Variants in ZFAND3 observed in about 807,000 individuals in gnomAD.
ZFAND3 encodes zinc finger AN1-type containing 3, also known as AN1-type zinc finger protein 3.
In ZFAND3, 10 loss-of-function variants were observed where a neutral mutation model predicts 29.6. The observed-to-expected ratio is 0.34, with a 90% CI of 0.21 to 0.57. The LOEUF (loss-of-function observed/expected upper bound fraction) is 0.57. Ranked by LOEUF, ZFAND3 falls within the 20% of genes least tolerant of loss-of-function variation. The pLI is 0.86. For missense variants in ZFAND3, 230 were observed against 304.5 expected (o/e 0.76, Z 1.82); for synonymous variants, 128 against 112.6 (o/e 1.14, Z -0.87).
chr6:38,065,691 G>A (rs1039597675), intron 3 of ZFAND3, among the ~76,000 whole-genome samples: 2 of 152,144 alleles, frequency 1.3e-5, no homozygotes, highest in Non-Finnish European at 2.9e-5. Flanking sequence ...TGAAGCCCAT[G>A]CTCTTAACAC....
chr6:37,919,642 T>C (rs1761335306), intron 1 of ZFAND3, among the ~76,000 whole-genome samples: 1 of 152,236 alleles, frequency 6.6e-6, no homozygotes, highest in Non-Finnish European at 1.5e-5. Flanking sequence ...GTTGTCATCA[T>C]CTTGACGTCA....
At chr6:37,860,028 C>T (rs1201858994) in intron 1 of ZFAND3, among the ~76,000 whole-genome samples, 10 of 147,282 alleles carry the variant, frequency 6.8e-5, no homozygotes, top group South Asian at 4.2e-4. Flanking sequence ...CCTGCCACTA[C>T]GCCCAGCTAA....
chr6:37,942,444 A>G (rs996120825), intron 2 of ZFAND3, among the ~76,000 whole-genome samples: 6 of 152,180 alleles, frequency 3.9e-5, no homozygotes, highest in African/African-American at 9.6e-5. Flanking sequence ...TATTGAACCA[A>G]TGGCTGCTGC....
chr6:38,140,113 G>A (rs774915173), intron 5 of ZFAND3, among the ~76,000 whole-genome samples: 38 of 152,192 alleles, frequency 2.5e-4, no homozygotes, highest in Non-Finnish European at 4.6e-4. Flanking sequence ...GATTTGTGAG[G>A]AAGTAGCAAG....
At chr6:38,037,332 C>T (rs1763678429) in intron 2 of ZFAND3, among the ~76,000 whole-genome samples, 1 of 152,198 alleles carries the variant, frequency 6.6e-6, no homozygotes, top group Admixed American at 6.5e-5. Flanking sequence ...TACAAGCTGG[C>T]AATCAGCAGT....
At chr6:37,852,469 C>G (rs1764298218) in intron 1 of ZFAND3, among the ~76,000 whole-genome samples, 1 of 150,422 alleles carries the variant, frequency 6.6e-6, no homozygotes, top group South Asian at 2.1e-4. Flanking sequence ...ATAAGTCTAC[C>G]TAATCAAAAC....
intron 5 of ZFAND3, among the ~76,000 whole-genome samples, chr6:38,137,312 C>T (rs1360676123): frequency 6.6e-6 from 1 of 152,226 alleles, no homozygotes; most frequent in Non-Finnish European, 1.5e-5. Context: ...GCCCAGTGCA[C>T]TTGTGTTCAC....
intron 2 of ZFAND3, among the ~76,000 whole-genome samples, chr6:37,951,664 A>G (rs1329784959): frequency 6.6e-6 from 1 of 152,172 alleles, no homozygotes; most frequent in Non-Finnish European, 1.5e-5. Context: ...TTCTCTCTTC[A>G]TATTTGGATG....
chr6:38,080,055 C>CAA (rs59385588), intron 3 of ZFAND3, among the ~76,000 whole-genome samples: 16 of 130,100 alleles, frequency 1.2e-4, no homozygotes, highest in East Asian at 6.3e-4. Context: ...AAAGTTCCTC[C>CAA]AAAAAAAAAA....
chr6:37,826,325 A>G (rs1311121997), intron 1 of ZFAND3, among the ~76,000 whole-genome samples: 1 of 152,142 alleles, frequency 6.6e-6, no homozygotes, highest in East Asian at 1.9e-4. Flanking sequence ...CAATTTTTCT[A>G]GGGTTTCTGA....
At chr6:38,140,957 A>G (rs1885327) in intron 5 of ZFAND3, among the ~76,000 whole-genome samples, 3,014 of 152,058 alleles carry the variant, frequency 0.02, 92 homozygotes, top group African/African-American at 0.07. Context: ...TGGAGAATCA[A>G]GAAGCCAGCT....
chr6:37,911,700 C>G lies in ZFAND3; in HGVS notation c.72-18259C>G, dbSNP rs554247983. ...GGGTTGTAACTGATTATATTATCTA[C>G]AGTAACAGAACAGGCATAATTATAA... On this transcript the variant is annotated intron_variant, in intron 1 of 5. Transcript: ENST00000287218. Among the ~76,000 whole-genome samples the G allele has an allele frequency of 7.9e-5, 12 of 152,254 alleles. No individual in the cohort carries two copies. In the South Asian group the frequency reaches 2.5e-3, roughly 32 times the overall value.
At chr6:38,060,697 C>T (rs903157760) in intron 2 of ZFAND3, among the ~76,000 whole-genome samples, 3 of 152,246 alleles carry the variant, frequency 2.0e-5, no homozygotes, top group Admixed American at 6.5e-5. Flanking sequence ...GCAGTCCTCC[C>T]GCCTCAGTCT....
intron 1 of ZFAND3, among the ~76,000 whole-genome samples, chr6:37,849,300 C>T (rs1764239301): frequency 6.6e-6 from 1 of 152,140 alleles, no homozygotes; most frequent in Admixed American, 6.5e-5. Flanking sequence ...TTTCCCCTCT[C>T]TTCTTCTTTG....
intron 1 of ZFAND3, among the ~76,000 whole-genome samples, chr6:37,887,465 GAAAGTCATAATC>G (rs1269734515): frequency 7.2e-5 from 11 of 152,124 alleles, no homozygotes; most frequent in African/African-American, 2.4e-4. Context: ...ATATTATGAG[GAAAGTCATAATC>G]AAATCAGAAC....
In ZFAND3 at chr6:37,828,924, A is replaced by G. The variant is rs190928709; in HGVS notation, c.71+8908A>G. On this transcript the variant is annotated intron_variant, in intron 1 of 5. Transcript: ENST00000287218. ...CTCGGCCTCCCAAAGTGCTGGGATT[A>G]CAGGCATGAGCCACTATGCCCGGCC... is the stretch of plus-strand genomic sequence containing the variant. Among the ~76,000 whole-genome samples the G allele has an allele frequency of 1.9e-3, 287 of 152,230 alleles. 1 individual carries two copies. The highest frequency in any genetic ancestry group is 6.6e-3 in the African/African-American group (276 of 41,554).
intron 2 of ZFAND3, among the ~76,000 whole-genome samples, chr6:38,030,051 GATATAT>G (rs58560520): frequency 0.013 from 1,203 of 93,294 alleles, 10 homozygotes; most frequent in East Asian, 0.019. Flanking sequence ...AGTTCTGCTG[GATATAT>G]ATATATATAT....
chr6:37,969,709 T>C (rs1338682464), intron 2 of ZFAND3, among the ~76,000 whole-genome samples: 1 of 152,074 alleles, frequency 6.6e-6, no homozygotes, highest in African/African-American at 2.4e-5. Context: ...AACTAAAATA[T>C]TGTGTGTGAG....
chr6:37,962,936 A>G (rs1379065863), intron 2 of ZFAND3, among the ~76,000 whole-genome samples: 3 of 152,160 alleles, frequency 2.0e-5, no homozygotes, highest in Non-Finnish European at 2.9e-5. Flanking sequence ...ACTGGGAGGA[A>G]CAAACAACTC....
Sources: gnomAD v4.1 joint callset for allele counts (sites outside exome capture counted in the v4.1 genomes callset) on GRCh38, gnomAD v4.1.1 for gene constraint, MANE v1.5 for transcripts, NCBI Gene and HGNC (gene_info 2026-07-23, HGNC 2026-07-21) for gene names.